Variants in EEFSEC observed in about 807,000 individuals in gnomAD.
EEFSEC encodes selenocysteine-specific elongation factor.
Under a neutral mutation model 42.1 loss-of-function variants are expected in EEFSEC, and 43 were observed. The ratio of observed to expected loss-of-function variants is 1.02; its 90% confidence interval spans 0.80 to 1.32. The LOEUF (loss-of-function observed/expected upper bound fraction) is 1.32, where lower values mean the gene tolerates loss of function less well. Ranked by LOEUF, EEFSEC falls within the 40% of genes most tolerant of loss-of-function variation. The pLI, the probability that EEFSEC is intolerant of heterozygous loss-of-function variation, is 0.00. For missense variants in EEFSEC, 745 were observed against 803.6 expected (o/e 0.93, Z 0.88); for synonymous variants, 354 against 339.1 (o/e 1.04, Z -0.48).
chr3:128,224,766 T>C (rs1198345266), intron 1 of EEFSEC, among the ~76,000 whole-genome samples: 1 of 152,244 alleles, frequency 6.6e-6, no homozygotes, highest in Non-Finnish European at 1.5e-5. Context: ...TTCTTTGGTA[T>C]CCAGTACCCT....
chr3:128,372,400 G>A (rs896229645), intron 6 of EEFSEC, among the ~76,000 whole-genome samples: 1 of 152,190 alleles, frequency 6.6e-6, no homozygotes, highest in African/African-American at 2.4e-5. Flanking sequence ...AAACCCTGAA[G>A]CCTTTAAATA....
At chr3:128,215,790 C>T (rs2065804721) in intron 1 of EEFSEC, among the ~76,000 whole-genome samples, 1 of 152,056 alleles carries the variant, frequency 6.6e-6, no homozygotes, top group Non-Finnish European at 1.5e-5. Flanking sequence ...CTTAGGCCAC[C>T]CGGCTCCTGT....
At chr3:128,197,728 G>C (rs968666408) in intron 1 of EEFSEC, among the ~76,000 whole-genome samples, 1 of 152,100 alleles carries the variant, frequency 6.6e-6, no homozygotes, top group Admixed American at 6.5e-5. Flanking sequence ...ATGGCCCAGG[G>C]TAGCAACAAT....
intron 6 of EEFSEC, among the ~76,000 whole-genome samples, chr3:128,379,971 G>T (rs773697616): frequency 6.6e-6 from 1 of 152,238 alleles, no homozygotes; most frequent in Non-Finnish European, 1.5e-5. Context: ...GTAGGGCCTC[G>T]GCCCCTGTGT....
intron 1 of EEFSEC, among the ~76,000 whole-genome samples, chr3:128,220,828 G>A (rs1026745524): frequency 1.3e-5 from 2 of 152,244 alleles, no homozygotes; most frequent in African/African-American, 4.8e-5. Context: ...GTGCATTGCT[G>A]CCAGTTCTTA....
intron 5 of EEFSEC, among the ~76,000 whole-genome samples, chr3:128,356,542 C>T (rs552451516): frequency 4.6e-5 from 7 of 152,228 alleles, no homozygotes; most frequent in South Asian, 2.1e-4. Context: ...ATGGGAGGTC[C>T]GCCTGGTGTG....
At chr3:128,288,623 A>G (rs6439124) in intron 4 of EEFSEC, among the ~76,000 whole-genome samples, 127,601 of 152,250 alleles carry the variant, frequency 0.84, 53,967 homozygotes, top group East Asian at 0.99. Context: ...CCTAGGATAC[A>G]GCAAGCTGCC....
chr3:128,285,710 C>T (rs1353847955), intron 4 of EEFSEC, among the ~76,000 whole-genome samples: 4 of 152,248 alleles, frequency 2.6e-5, no homozygotes, highest in African/African-American at 4.8e-5. Flanking sequence ...CAGCTCCCCT[C>T]GCCCACGCTC....
At chr3:128,410,811 C>T (rs1368655702), downstream of EEFSEC, among the ~76,000 whole-genome samples, 2 of 152,264 alleles carry the variant, frequency 1.3e-5, no homozygotes, top group East Asian at 3.9e-4. Context: ...GCCGTTTTTC[C>T]AGGAACTCTG....
At chr3:128,265,431 TC>T (rs2066344097) in intron 4 of EEFSEC, among the ~76,000 whole-genome samples, 1 of 152,176 alleles carries the variant, frequency 6.6e-6, no homozygotes, top group African/African-American at 2.4e-5. Flanking sequence ...GCCTTGATAT[TC>T]CCCTTATTTA....
At chr3:128,280,297 T>C (rs1269278667) in intron 4 of EEFSEC, among the ~76,000 whole-genome samples, 1 of 152,240 alleles carries the variant, frequency 6.6e-6, no homozygotes, top group Admixed American at 6.5e-5. Context: ...ATTTAATTGG[T>C]GTTTAAATCT....
chr3:128,202,460 T>C (rs1334636975), intron 1 of EEFSEC, among the ~76,000 whole-genome samples: 2 of 152,236 alleles, frequency 1.3e-5, no homozygotes, highest in African/African-American at 2.4e-5. Flanking sequence ...GTTGCTAATA[T>C]ATTAACATAA....
Position 128,358,289 on chromosome 3 carries a change from C to A in EEFSEC, c.1516C>A (p.Leu506Ile), listed in dbSNP as rs2067482237. 1 of 1,614,134 alleles carries A rather than the reference C, an allele frequency of 6.2e-7. No homozygotes were observed. Among genetic ancestry groups the A allele is most frequent in the Admixed American group, 1.7e-5 (1 of 60,012 alleles). Residue 506 changes from leucine (L) to isoleucine (I), a missense_variant, in exon 6 of 7, where the codon CTC (leucine) becomes ATC (isoleucine). Physicochemically the swap from Leu to Ile is conservative, Grantham distance 5 (BLOSUM62 2). Coordinates refer to ENST00000254730, the MANE Select transcript of EEFSEC (RefSeq NM_021937.5). ...AACCAACATCCAGCTCTTCGTGGGG[C>A]TCAAGGTGCACTTGTCCACTGGGGA... ...KETNIQLFVG[L>I]KVHLSTGELG...
intron 1 of EEFSEC, among the ~76,000 whole-genome samples, chr3:128,157,148 C>G (rs1013232094): frequency 6.6e-6 from 1 of 152,200 alleles, no homozygotes; most frequent in Non-Finnish European, 1.5e-5. Flanking sequence ...AACCAGCTAC[C>G]ACATTCCCTT....
intron 4 of EEFSEC, among the ~76,000 whole-genome samples, chr3:128,269,890 T>C (rs1280057004): frequency 2.0e-5 from 3 of 152,238 alleles, no homozygotes; most frequent in Admixed American, 6.5e-5. Flanking sequence ...GCTAGTGATG[T>C]TTCTGGTGAT....
At chr3:128,273,213 A>G (rs577305094) in intron 4 of EEFSEC, among the ~76,000 whole-genome samples, 2 of 152,334 alleles carry the variant, frequency 1.3e-5, no homozygotes, top group East Asian at 3.9e-4. Context: ...CAGGACCCCA[A>G]GAGCCTCTGT....
At chr3:128,265,035 G>T (rs899714998) in intron 4 of EEFSEC, among the ~76,000 whole-genome samples, 9 of 152,174 alleles carry the variant, frequency 5.9e-5, no homozygotes, top group African/African-American at 9.7e-5. Context: ...CCTCAAGGAG[G>T]TGTTCCCAAG....
chr3:128,304,542 C>A (rs543736306), intron 4 of EEFSEC, among the ~76,000 whole-genome samples: 1 of 152,186 alleles, frequency 6.6e-6, no homozygotes, highest in Non-Finnish European at 1.5e-5. Flanking sequence ...CGTTGATTCT[C>A]TTGAGTTTTC....
In EEFSEC at chr3:128,198,842, C is replaced by CT. The variant is rs551059449; in HGVS notation, c.316+45026dup. Among the ~76,000 whole-genome samples the CT allele has an allele frequency of 2.6e-3, 370 of 142,438 alleles. 2 individuals carry two copies. Among genetic ancestry groups the CT allele is most frequent in the South Asian group, 0.012 (53 of 4,492 alleles). The allele number at this position is 142,438 out of a possible 152,430, so 93.4% of individuals were successfully genotyped here. ...TCTTAAAGACTTTCTGTTTTTTTTT[C>CT]TTTTTTTGAGGTGGAGTCTCACCCT... On this transcript the variant is annotated intron_variant, in intron 1 of 6. Transcript: ENST00000254730.
Sources: allele counts gnomAD v4.1 joint callset (sites outside exome capture counted in the v4.1 genomes callset), GRCh38; gene constraint gnomAD v4.1.1; transcripts MANE v1.5; gene names NCBI Gene and HGNC (gene_info 2026-07-23, HGNC 2026-07-21).